The following TMEM132C variants were observed in gnomAD, a reference collection of about 807,000 sequenced individuals.
TMEM132C encodes transmembrane protein 132C, also known as protein phosphatase 1, regulatory subunit 152.
Under a neutral mutation model 61.4 loss-of-function variants are expected in TMEM132C, and 29 were observed. The ratio of observed to expected loss-of-function variants is 0.47; its 90% CI spans 0.35 to 0.64. The LOEUF is 0.64. Among genes scored for constraint, TMEM132C ranks in the 30% least tolerant of loss-of-function variants. The probability of loss-of-function intolerance (pLI) is 0.00; values close to 1 mark genes in which losing one functional copy is unlikely to be tolerated. For missense variants in TMEM132C, 1,408 were observed against 1,476.9 expected (o/e 0.95, Z 0.76); for synonymous variants, 656 against 633.1 (o/e 1.04, Z -0.54).
intron 1 of TMEM132C, among the ~76,000 whole-genome samples, chr12:128,289,741 TAAC>T (rs1195691057): frequency 3.3e-5 from 5 of 152,236 alleles, no homozygotes; most frequent in African/African-American, 1.2e-4. Context: ...TCCATTTACT[TAAC>T]AACAGCTTTT....
At chr12:128,689,176 G>A (rs1406915471) in intron 5 of TMEM132C, among the ~76,000 whole-genome samples, 3 of 151,854 alleles carry the variant, frequency 2.0e-5, no homozygotes, top group East Asian at 3.9e-4. Flanking sequence ...GATTATAATT[G>A]TATATATTTA....
In TMEM132C at chr12:128,415,313, G is replaced by A. The variant is rs575523387; in HGVS notation, c.667G>A (p.Gly223Arg). Residue 223 changes from glycine to arginine, a missense_variant, in exon 2 of 9, where the codon GGG becomes AGG. Coordinates refer to ENST00000435159, the MANE Select transcript of TMEM132C (RefSeq NM_001136103.3). The surrounding 1 kb of genome is among the most constrained non-coding windows in gnomAD (Gnocchi z 5.8). ...GRKKSMDQPEGTPVELYYTVH... is the reference protein window; with the variant it reads ...GRKKSMDQPERTPVELYYTVH... ...GAAGAAGTCCATGGACCAGCCGGAG[G>A]GGACCCCTGTGGAGCTCTACTACAC... The A allele has an allele frequency of 5.0e-5, 80 of 1,592,992 alleles. No homozygotes were observed. The African/African-American group carries it at 1.0e-3, about 20-fold the overall frequency.
intron 4 of TMEM132C, among the ~76,000 whole-genome samples, chr12:128,660,976 A>C (rs951411538): frequency 4.6e-5 from 7 of 152,246 alleles, no homozygotes; most frequent in African/African-American, 1.7e-4. Context: ...AGCGAGAGGT[A>C]AGATAGATAA....
chr12:128,665,093 A>C (rs1020725380), intron 4 of TMEM132C, among the ~76,000 whole-genome samples: 2 of 151,446 alleles, frequency 1.3e-5, no homozygotes, highest in East Asian at 3.9e-4. Context: ...GCACTCACAC[A>C]TACACAGGCA....
intron 1 of TMEM132C, among the ~76,000 whole-genome samples, chr12:128,353,446 G>A (rs911497581): frequency 2.6e-5 from 4 of 152,160 alleles, no homozygotes; most frequent in East Asian, 1.9e-4. Context: ...TGCCAAGGCC[G>A]GCTGCTCCTG....
chr12:128,356,313 T>G (rs1354575201), intron 1 of TMEM132C, among the ~76,000 whole-genome samples: 1 of 152,196 alleles, frequency 6.6e-6, no homozygotes, highest in Non-Finnish European at 1.5e-5. Flanking sequence ...TGCCTCAGCC[T>G]TCAGCTGCAA....
intron 1 of TMEM132C, among the ~76,000 whole-genome samples, chr12:128,364,698 G>C (rs895167187): frequency 2.0e-5 from 3 of 152,212 alleles, no homozygotes; most frequent in East Asian, 3.9e-4. Flanking sequence ...CACCGAGGGG[G>C]TCTGCGGGAC....
At chr12:128,416,234 T>A (rs879589258) in intron 2 of TMEM132C, among the ~76,000 whole-genome samples, 19 of 152,256 alleles carry the variant, frequency 1.2e-4, no homozygotes, top group Non-Finnish European at 2.6e-4. Flanking sequence ...ATCCACCTAC[T>A]GTCACCATGG....
chr12:128,424,990 G>C (rs1270125133), intron 2 of TMEM132C, among the ~76,000 whole-genome samples: 2 of 152,156 alleles, frequency 1.3e-5, no homozygotes, highest in East Asian at 3.9e-4. Flanking sequence ...CCAAAACAAG[G>C]ACCAGTCAAC....
At chr12:128,642,740 A>G (rs942478419) in intron 4 of TMEM132C, among the ~76,000 whole-genome samples, 1 of 152,200 alleles carries the variant, frequency 6.6e-6, no homozygotes, top group African/African-American at 2.4e-5. Flanking sequence ...TGTCTTTATA[A>G]GTTACTCAGC....
chr12:128,592,670 C>T (rs1436645839), intron 3 of TMEM132C, among the ~76,000 whole-genome samples: 2 of 152,242 alleles, frequency 1.3e-5, no homozygotes, highest in Non-Finnish European at 2.9e-5. Flanking sequence ...GATGGCCTGT[C>T]AGAACAGCCA....
chr12:128,450,780 G>A (rs1027820601), intron 2 of TMEM132C, among the ~76,000 whole-genome samples: 2 of 152,050 alleles, frequency 1.3e-5, no homozygotes, highest in African/African-American at 4.8e-5. Flanking sequence ...GGCAATTACG[G>A]AAATTCAAGG....
chr12:128,387,035 G>A (rs2135996035), intron 1 of TMEM132C, among the ~76,000 whole-genome samples: 1 of 151,020 alleles, frequency 6.6e-6, no homozygotes, highest in African/African-American at 2.4e-5. Context: ...CTGCTACTTG[G>A]GAAGCTAAAG....
chr12:128,536,635 C>A (rs1219392574), intron 2 of TMEM132C, among the ~76,000 whole-genome samples: 1 of 152,160 alleles, frequency 6.6e-6, no homozygotes, highest in Non-Finnish European at 1.5e-5. Flanking sequence ...CACCTTCCAC[C>A]CGCAGTGTTC....
At chr12:128,560,083 A>G (rs1454982328) in intron 3 of TMEM132C, among the ~76,000 whole-genome samples, 1 of 152,166 alleles carries the variant, frequency 6.6e-6, no homozygotes, top group East Asian at 1.9e-4. Flanking sequence ...CCCTGTCTCT[A>G]CAAAAATACA....
intron 2 of TMEM132C, among the ~76,000 whole-genome samples, chr12:128,520,101 T>G (rs935371702): frequency 6.6e-6 from 1 of 152,204 alleles, no homozygotes; most frequent in African/African-American, 2.4e-5. Flanking sequence ...CCTCGCCAAC[T>G]TTAAAGTGAC....
chr12:128,342,080 C>T (rs1277472081), intron 1 of TMEM132C, among the ~76,000 whole-genome samples: 3 of 151,872 alleles, frequency 2.0e-5, no homozygotes, highest in Non-Finnish European at 4.4e-5. Flanking sequence ...ATGATCTCAG[C>T]TCACTGCAAC....
At position 128,617,984 on chromosome 12, in the gene TMEM132C, G is replaced by A. The variant is rs1876868442; in HGVS notation, c.1305+1649G>A. On this transcript the variant is annotated intron_variant, in intron 4 of 8. Transcript: ENST00000435159. ...TTGTACACCATGCAAGCTAAGAATG[G>A]TTTTAACATTTTTAAATATCTACAT... Among the ~76,000 whole-genome samples, 2 of 152,182 alleles carry A rather than the reference G, an allele frequency of 1.3e-5. 1 individual carries two copies. The highest frequency in any genetic ancestry group is 4.1e-4 in the South Asian group (2 of 4,826).
chr12:128,593,395 G>A (rs1317477876), intron 3 of TMEM132C, among the ~76,000 whole-genome samples: 1 of 151,998 alleles, frequency 6.6e-6, no homozygotes, highest in East Asian at 1.9e-4. Flanking sequence ...CTCTCCCTCA[G>A]TGGAGCTGGA....
Sources: allele counts gnomAD v4.1 joint callset (sites outside exome capture counted in the v4.1 genomes callset), GRCh38; gene constraint gnomAD v4.1.1; non-coding constraint Gnocchi (gnomAD v3.1); transcripts MANE v1.5; gene names NCBI Gene and HGNC (gene_info 2026-07-23, HGNC 2026-07-21).